WWOX: variants seen among roughly 807,000 people sequenced by gnomAD.
WWOX encodes WW domain containing oxidoreductase.
WWOX carries 69 observed loss-of-function variants against 46.2 expected under a neutral mutation model. That is an observed-to-expected ratio of 1.49 (90% CI 1.23 to 1.82). WWOX has a LOEUF of 1.82. Among genes scored for constraint, WWOX ranks in the 40% most tolerant of loss-of-function variants. The pLI is 0.00. For synonymous variants in WWOX, 359 were observed against 202.6 expected (o/e 1.77, Z -6.56); for missense variants, 919 against 542.6 (o/e 1.69, Z -6.89).
chr16:78,615,197 A>T (rs570425386), intron 8 of WWOX, among the ~76,000 whole-genome samples: 94 of 152,304 alleles, frequency 6.2e-4, no homozygotes, highest in Middle Eastern at 3.4e-3. Context: ...ATAACATTCT[A>T]GAAACTCTCT....
chr16:78,124,929 T>C (rs1007970743), intron 4 of WWOX, among the ~76,000 whole-genome samples: 1 of 152,266 alleles, frequency 6.6e-6, no homozygotes. Flanking sequence ...CTACTATTTC[T>C]ACCTAGGTGG....
intron 8 of WWOX, among the ~76,000 whole-genome samples, chr16:78,733,365 G>A (rs1225332686): frequency 6.6e-6 from 1 of 152,074 alleles, no homozygotes; most frequent in African/African-American, 2.4e-5. Flanking sequence ...CAAGGCAGGA[G>A]GATTGCTGGA....
intron 8 of WWOX, among the ~76,000 whole-genome samples, chr16:79,184,474 G>A (rs1040245546): frequency 3.9e-5 from 6 of 152,144 alleles, no homozygotes; most frequent in Non-Finnish European, 8.8e-5. Flanking sequence ...TGTTGTCTTT[G>A]CTGCAGACTG....
chr16:78,489,339 C>G (rs1249007231), intron 8 of WWOX, among the ~76,000 whole-genome samples: 1 of 152,140 alleles, frequency 6.6e-6, no homozygotes, highest in Non-Finnish European at 1.5e-5. Flanking sequence ...AATGAACTGC[C>G]ACATTGAGGA....
Position 78,852,074 on chromosome 16 carries a change from G to A in WWOX, c.1057-359534G>A, listed in dbSNP as rs1485158040. On this transcript the variant is annotated intron_variant, in intron 8 of 8. Coordinates refer to ENST00000566780, the MANE Select transcript of WWOX (RefSeq NM_016373.4). ...GGACATGTTTGTATTTCTTCAAGAT[G>A]ACTTTTCATTCTCTCATCTCATTCA... Among the ~76,000 whole-genome samples the A allele has an allele frequency of 2.0e-5, 3 of 152,140 alleles. No homozygotes were observed. In the South Asian group the frequency reaches 6.2e-4, roughly 32 times the overall value.
intron 8 of WWOX, among the ~76,000 whole-genome samples, chr16:78,639,755 A>T (rs1167385247): frequency 1.3e-5 from 2 of 152,048 alleles, no homozygotes; most frequent in Non-Finnish European, 2.9e-5. Context: ...TAGTAGAGAC[A>T]GGGTTTCACC....
At chr16:78,860,360 G>T (rs568531404) in intron 8 of WWOX, among the ~76,000 whole-genome samples, 1 of 152,136 alleles carries the variant, frequency 6.6e-6, no homozygotes, top group South Asian at 2.1e-4. Flanking sequence ...TGGATATAAC[G>T]TCTGTTCTGA....
intron 8 of WWOX, among the ~76,000 whole-genome samples, chr16:78,527,008 T>C (rs996297955): frequency 1.3e-5 from 2 of 152,046 alleles, no homozygotes; most frequent in East Asian, 3.9e-4. Context: ...CTACTAACAA[T>C]ACAAAATTAG....
At chr16:78,454,660 C>T (rs538215094) in intron 8 of WWOX, among the ~76,000 whole-genome samples, 8 of 148,440 alleles carry the variant, frequency 5.4e-5, no homozygotes, top group African/African-American at 2.1e-4. Context: ...CATGCGCCAC[C>T]ATACCTGGGG....
chr16:78,750,734 A>T (rs974828534), intron 8 of WWOX, among the ~76,000 whole-genome samples: 2 of 152,204 alleles, frequency 1.3e-5, no homozygotes, highest in African/African-American at 4.8e-5. Context: ...TGTAAGTAAG[A>T]ACATGCGGTA....
At chr16:78,943,289 A>G (rs1471232379) in intron 8 of WWOX, among the ~76,000 whole-genome samples, 1 of 148,970 alleles carries the variant, frequency 6.7e-6, no homozygotes, top group African/African-American at 2.6e-5. Context: ...CTGGATAAGG[A>G]GAATGAGGTA....
intron 8 of WWOX, among the ~76,000 whole-genome samples, chr16:79,155,847 G>A (rs1011746613): frequency 6.6e-6 from 1 of 151,786 alleles, no homozygotes; most frequent in Non-Finnish European, 1.5e-5. Context: ...GTTTATAGAG[G>A]ACTAATACAT....
At chr16:78,464,512 C>T (rs1486199312) in intron 8 of WWOX, among the ~76,000 whole-genome samples, 1 of 152,108 alleles carries the variant, frequency 6.6e-6, no homozygotes, top group Non-Finnish European at 1.5e-5. Context: ...TGGGTGCTTA[C>T]CATGTGCCAT....
chr16:79,080,822 A>C (rs1370358220), intron 8 of WWOX, among the ~76,000 whole-genome samples: 3 of 152,194 alleles, frequency 2.0e-5, no homozygotes, highest in Non-Finnish European at 2.9e-5. Context: ...TTTAAGGAAT[A>C]AAAAGGAAAA....
chr16:78,824,836 C>A (rs939385162), intron 8 of WWOX, among the ~76,000 whole-genome samples: 1 of 152,050 alleles, frequency 6.6e-6, no homozygotes, highest in Non-Finnish European at 1.5e-5. Context: ...GGAGACACAC[C>A]CAAAGCATAT....
At chr16:78,428,121 A>G (rs192140555) in intron 7 of WWOX, among the ~76,000 whole-genome samples, 7 of 152,306 alleles carry the variant, frequency 4.6e-5, no homozygotes, top group Middle Eastern at 3.4e-3. Flanking sequence ...GAAATACAAG[A>G]TTTGTGAGGG....
intron 8 of WWOX, among the ~76,000 whole-genome samples, chr16:79,210,670 C>T (rs1020873750): frequency 2.6e-5 from 4 of 152,212 alleles, no homozygotes; most frequent in Admixed American, 6.5e-5. Flanking sequence ...AAATTAGAGA[C>T]GTGCCGACCA....
At chr16:78,977,465 C>G (rs1371540074) in intron 8 of WWOX, among the ~76,000 whole-genome samples, 2 of 152,186 alleles carry the variant, frequency 1.3e-5, no homozygotes, top group African/African-American at 4.8e-5. Context: ...AGGAGATGAG[C>G]TCAGTAGGCC....
chr16:78,600,344 A>G (rs2045592035), intron 8 of WWOX, among the ~76,000 whole-genome samples: 1 of 152,114 alleles, frequency 6.6e-6, no homozygotes, highest in African/African-American at 2.4e-5. Context: ...GAGACTCAGC[A>G]TAGCTGGAGG....
Sources: gnomAD v4.1 joint callset for allele counts (sites outside exome capture counted in the v4.1 genomes callset) on GRCh38, gnomAD v4.1.1 for gene constraint, MANE v1.5 for transcripts, NCBI Gene and HGNC (gene_info 2026-07-23, HGNC 2026-07-21) for gene names.